The following RALGAPA2 variants were observed in gnomAD, a reference collection of about 807,000 sequenced individuals.
The protein encoded by RALGAPA2 is ral GTPase-activating protein subunit alpha-2.
A neutral mutation model predicts 230.4 loss-of-function variants in RALGAPA2; 139 were observed. The ratio of observed to expected loss-of-function variants is 0.60; its 90% CI spans 0.53 to 0.69. The LOEUF is 0.69. Among genes scored for constraint, RALGAPA2 ranks in the 30% least tolerant of loss-of-function variants. The probability of loss-of-function intolerance (pLI) is 0.00; values close to 1 mark genes in which losing one functional copy is unlikely to be tolerated. For synonymous variants in RALGAPA2, 847 were observed against 837.8 expected (o/e 1.01, Z -0.19); for missense variants, 2,163 against 2,276.0 (o/e 0.95, Z 1.01).
intron 3 of RALGAPA2, among the ~76,000 whole-genome samples, chr20:20,657,266 A>G (rs2067621060): frequency 6.6e-6 from 1 of 152,160 alleles, no homozygotes; most frequent in Non-Finnish European, 1.5e-5. Context: ...AGATGAGAGG[A>G]GTCCAGTGTG....
intron 13 of RALGAPA2, among the ~76,000 whole-genome samples, chr20:20,613,682 A>C (rs1307510476): frequency 2.6e-5 from 4 of 152,126 alleles, no homozygotes; most frequent in African/African-American, 9.6e-5. Flanking sequence ...GTCCTTCCTT[A>C]AACAAGCCAC....
chr20:20,679,400 C>T (rs2068445757), intron 2 of RALGAPA2, among the ~76,000 whole-genome samples: 1 of 152,132 alleles, frequency 6.6e-6, no homozygotes, highest in Non-Finnish European at 1.5e-5. Flanking sequence ...CAGGCATCAC[C>T]ATCCCTCAGA....
chr20:20,605,382 G>A lies in RALGAPA2; in HGVS notation c.1831C>T (p.Leu611Phe), dbSNP rs757430781. The A allele has an allele frequency of 3.1e-6, 5 of 1,613,676 alleles. No individual in the cohort carries two copies. Among genetic ancestry groups the A allele is most frequent in the Non-Finnish European group, 4.2e-6 (5 of 1,179,762 alleles). The part of the protein sequence containing the change: ...TLMVAWIRAN[L>F]CVYISRELWD... ...AGCTCTCGAGAAATGTACACACAGA[G>A]GTTTGCTCGGATCCAAGCTACCATG... Residue 611 changes from leucine (L) to phenylalanine (F), a missense_variant, in exon 15 of 40, where the codon CTC becomes TTC. Coordinates refer to ENST00000202677, the MANE Select transcript of RALGAPA2 (RefSeq NM_020343.4).
chr20:20,456,890 T>C (rs2061134858), intron 37 of RALGAPA2, among the ~76,000 whole-genome samples: 1 of 152,084 alleles, frequency 6.6e-6, no homozygotes, highest in Non-Finnish European at 1.5e-5. Context: ...CACAATCATA[T>C]TGCACTACAG....
chr20:20,583,226 C>T lies in RALGAPA2; in HGVS notation c.2531G>A (p.Ser844Asn). 6.3e-7 allele frequency: 1 copy of T among 1,592,968 alleles called. No individual in the cohort carries two copies. The highest frequency in any genetic ancestry group is 8.5e-7 in the Non-Finnish European group (1 of 1,170,286). The change falls in exon 20 of 40, where the codon AGT (serine) becomes AAT (asparagine). Residue 844 changes from serine (S) to asparagine (N), a missense_variant and splice_region_variant. Transcript: ENST00000202677. ...AGTTGTGTCACTGTTGGTACTTTCA[C>T]CTGGTACAATGGAAGAACCAAAGTT... The part of the protein sequence containing the change: ...TQGKCRERQK[S>N]ESTNSDTTLG...
intron 37 of RALGAPA2, among the ~76,000 whole-genome samples, chr20:20,428,982 T>C (rs760713654): frequency 1.3e-5 from 2 of 152,118 alleles, no homozygotes. Context: ...TACACTATAA[T>C]TAGCCTGAGT....
intron 37 of RALGAPA2, among the ~76,000 whole-genome samples, chr20:20,420,762 T>G (rs951796034): frequency 6.6e-6 from 1 of 152,158 alleles, no homozygotes; most frequent in Non-Finnish European, 1.5e-5. Flanking sequence ...GATTGAGGAA[T>G]AGTACCCTGT....
chr20:20,408,254 G>C (rs6035621), intron 38 of RALGAPA2, among the ~76,000 whole-genome samples: 97,241 of 152,020 alleles, frequency 0.64, 31,126 homozygotes, highest in East Asian at 0.7. Context: ...AAGGCACTTG[G>C]AAATTCTTAA....
chr20:20,471,021 T>C (rs949394683), intron 37 of RALGAPA2: 3 of 152,242 alleles, frequency 2.0e-5, no homozygotes, highest in African/African-American at 7.2e-5. Context: ...TTGATAATGA[T>C]CAACATAATA....
At chr20:20,521,778 T>C (rs1454994535) in intron 30 of RALGAPA2, among the ~76,000 whole-genome samples, 2 of 152,116 alleles carry the variant, frequency 1.3e-5, no homozygotes, top group Non-Finnish European at 2.9e-5. Flanking sequence ...GATCATCAAC[T>C]CCAAACACTG....
intron 36 of RALGAPA2, among the ~76,000 whole-genome samples, chr20:20,494,491 A>G (rs2062148646): frequency 6.6e-6 from 1 of 152,256 alleles, no homozygotes; most frequent in South Asian, 2.1e-4. Context: ...ACTGCAGCCA[A>G]TTTAGTACAC....
chr20:20,678,562 T>C (rs1228533863), intron 2 of RALGAPA2, among the ~76,000 whole-genome samples: 3 of 152,082 alleles, frequency 2.0e-5, no homozygotes, highest in Non-Finnish European at 4.4e-5. Context: ...TGTACGCTCC[T>C]CTCCATGTCT....
At chr20:20,406,553 T>G (rs2059950777) in intron 38 of RALGAPA2, among the ~76,000 whole-genome samples, 1 of 152,220 alleles carries the variant, frequency 6.6e-6, no homozygotes, top group Non-Finnish European at 1.5e-5. Context: ...CCAAGTGTGC[T>G]GAGGGTGCTG....
intron 37 of RALGAPA2, among the ~76,000 whole-genome samples, chr20:20,416,703 T>A (rs1334985511): frequency 6.6e-6 from 1 of 152,270 alleles, no homozygotes; most frequent in Non-Finnish European, 1.5e-5. Context: ...CATTTTAATT[T>A]CTTTTTACTC....
chr20:20,570,689 C>G (rs945494401), intron 23 of RALGAPA2, among the ~76,000 whole-genome samples: 2 of 152,182 alleles, frequency 1.3e-5, no homozygotes, highest in African/African-American at 2.4e-5. Context: ...CATCTACAGG[C>G]CAATCTCTGA....
In RALGAPA2 at chr20:20,616,059, T is replaced by C. The variant is rs1412113232; in HGVS notation, c.1672A>G (p.Met558Val). The change falls in exon 13 of 40, where the codon ATG becomes GTG. Residue 558 changes from methionine to valine, a missense_variant. Physicochemically the swap from Met to Val is conservative, Grantham distance 21. Transcript: ENST00000202677. ...IFRRMIMELT[M>V]NKKTWEQMLQ... ...TAAACTTACCATGTCTTTTTATTCA[T>C]TGTAAGCTCCATTATCATGCGCCTA... is the stretch of plus-strand genomic sequence containing the variant. 7 of 1,524,952 alleles carry C rather than the reference T, an allele frequency of 4.6e-6. No homozygotes were observed. The highest frequency in any genetic ancestry group is 1.8e-4 in the Middle Eastern group (1 of 5,644). The allele number at this position is 1,524,952 out of a possible 1,614,324, so 94.5% of individuals were successfully genotyped here.
At chr20:20,600,281 A>T (rs1000837325) in intron 16 of RALGAPA2, among the ~76,000 whole-genome samples, 2 of 152,208 alleles carry the variant, frequency 1.3e-5, no homozygotes, top group Admixed American at 1.3e-4. Flanking sequence ...GAACAACAGC[A>T]TGAGACTCCG....
At chr20:20,677,092 T>C (rs2068354194) in intron 2 of RALGAPA2, among the ~76,000 whole-genome samples, 1 of 152,190 alleles carries the variant, frequency 6.6e-6, no homozygotes, top group Non-Finnish European at 1.5e-5. Flanking sequence ...AGAATGTCTA[T>C]ATGCCAGGGA....
intron 3 of RALGAPA2, among the ~76,000 whole-genome samples, chr20:20,670,037 C>G (rs1723857635): frequency 6.6e-6 from 1 of 152,192 alleles, no homozygotes; most frequent in African/African-American, 2.4e-5. Context: ...TTCTGTGATT[C>G]AGAAGGTCAT....
Sources: allele counts gnomAD v4.1 joint callset (sites outside exome capture counted in the v4.1 genomes callset), GRCh38; gene constraint gnomAD v4.1.1; transcripts MANE v1.5; gene names NCBI Gene and HGNC (gene_info 2026-07-23, HGNC 2026-07-21).